Variants in UNC80 observed in about 807,000 individuals in gnomAD.
UNC80 encodes unc-80 subunit of NALCN channel complex, also known as protein unc-80 homolog.
Under a neutral mutation model 384.6 loss-of-function variants are expected in UNC80, and 164 were observed. The ratio of observed to expected loss-of-function variants is 0.43; its 90% CI spans 0.38 to 0.49. The LOEUF is 0.49. Ranked by LOEUF, UNC80 falls within the 20% of genes least tolerant of loss-of-function variation. UNC80 has a pLI of 0.00. For synonymous variants in UNC80, 1,486 were observed against 1,527.8 expected (o/e 0.97, Z 0.64); for missense variants, 3,330 against 4,143.0 (o/e 0.80, Z 5.39).
Position 209,817,042 on chromosome 2 carries a change from G to A in UNC80, c.1469G>A (p.Ser490Asn). Residue 490 changes from serine (S) to asparagine (N), a missense_variant, in exon 10 of 65, where the codon AGC (serine) becomes AAC (asparagine). Around this residue, in one of 8 missense-constraint regions of UNC80, gnomAD observed 937 missense variants for 1,026.8 expected, o/e 0.91. Transcript: ENST00000673920. ...EDHLDVSPTR[S>N]TFSFGSFSGL... ...CACCTGGATGTGTCCCCCACGCGCAGCACATTCTCCTTTGGAAGTTTCTCT... is the reference window on the plus strand; with the variant it reads ...CACCTGGATGTGTCCCCCACGCGCAACACATTCTCCTTTGGAAGTTTCTCT... The A allele has an allele frequency of 3.9e-6, 6 of 1,551,754 alleles. No individual in the cohort carries two copies. The highest frequency in any genetic ancestry group is 5.2e-6 in the Non-Finnish European group (6 of 1,147,008).
At chr2:209,985,000 T>C (rs998561306) in intron 61 of UNC80, 88 bp downstream of exon 61, 27 of 1,173,540 alleles carry the variant, frequency 2.3e-5, no homozygotes, top group Non-Finnish European at 3.0e-5. Flanking sequence ...CTTCTCTGTC[T>C]CTTCTCGCCC....
At chr2:209,838,433 G>A (rs1203957325) in intron 18 of UNC80, among the ~76,000 whole-genome samples, 1 of 152,046 alleles carries the variant, frequency 6.6e-6, no homozygotes, top group Non-Finnish European at 1.5e-5. Flanking sequence ...AAATCCCCTT[G>A]CAGGTATTTC....
chr2:209,995,185 TA>T, intron 64 of UNC80, 143 bp from the exon 65 acceptor site: 1 of 1,065,614 alleles, frequency 9.4e-7, no homozygotes, highest in Non-Finnish European at 1.3e-6. Context: ...AAGGCCTACG[TA>T]AGGTCCTACC....
chr2:209,925,327 T>G (rs1197897163), intron 35 of UNC80, among the ~76,000 whole-genome samples: 1 of 152,186 alleles, frequency 6.6e-6, no homozygotes, highest in Non-Finnish European at 1.5e-5. Flanking sequence ...ATTTATTCCT[T>G]CCAGCGGGTT....
At position 209,872,385 on chromosome 2, in the gene UNC80, G is replaced by T. The variant is rs531906507; in HGVS notation, c.3628-373G>T. ...TTGTTTGCTTCATGTAAAATTTAGGGTTCAAAAAAAGATTCATCTTTAAGA... is the reference window on the plus strand; with the variant it reads ...TTGTTTGCTTCATGTAAAATTTAGGTTTCAAAAAAAGATTCATCTTTAAGA... On this transcript the variant is annotated intron_variant, in intron 22 of 64. Transcript: ENST00000673920. The surrounding 1 kb of genome is among the most constrained non-coding windows in gnomAD (Gnocchi z 4.1). Among the ~76,000 whole-genome samples the T allele has an allele frequency of 1.8e-4, 27 of 152,134 alleles. No homozygotes were observed. Among genetic ancestry groups the T allele is most frequent in the Admixed American group, 1.3e-4 (2 of 15,270 alleles).
rs140495021 is a variant in UNC80 at position 209,864,257 on chromosome 2, C to G, written c.3628-8501C>G. Among the ~76,000 whole-genome samples, 58 of 152,164 alleles carry G rather than the reference C, an allele frequency of 3.8e-4. 1 individual carries two copies. In the East Asian group the frequency reaches 0.011, roughly 29 times the overall value. On this transcript the variant is annotated intron_variant, in intron 22 of 64. Coordinates refer to ENST00000673920, the MANE Select transcript of UNC80 (RefSeq NM_001371986.1). ...ACCTCTGACCTCGAGGGGCACCAAC[C>G]TGAATGCCAGTAGGATCACCCCTTT...
At chr2:209,836,034 A>C (rs538649374) in intron 18 of UNC80, among the ~76,000 whole-genome samples, 1 of 152,354 alleles carries the variant, frequency 6.6e-6, no homozygotes, top group African/African-American at 2.4e-5. Context: ...GCATATGGCT[A>C]TAGCCCCAGT....
At chr2:209,847,967 G>A (rs762967866) in intron 21 of UNC80, among the ~76,000 whole-genome samples, 72 of 151,644 alleles carry the variant, frequency 4.7e-4, no homozygotes, top group Non-Finnish European at 1.2e-4. Flanking sequence ...AAAGTTTAAG[G>A]GACTGTTTAT....
intron 12 of UNC80, 42 bp from the exon 13 acceptor site, chr2:209,820,269 G>T: frequency 4.0e-6 from 6 of 1,484,310 alleles, no homozygotes; most frequent in Admixed American, 4.9e-5. Flanking sequence ...AAGAGGGAGT[G>T]CAGGTAACTT....
rs1235114526 is a variant in UNC80, at chr2:209,969,846, C to T, written c.8085C>T (p.Ser2695=). The change falls in exon 53 of 65, where the codon TCC becomes TCT. Residue 2695 remains serine (S), a synonymous_variant. Coordinates refer to ENST00000673920, the MANE Select transcript of UNC80 (RefSeq NM_001371986.1). ...CACTTCAGAGGCAGCCAATCATATC[C>T]TTCCTGCCTCACCTTAGGTCACTGA... ...CLTLQRQPII[S]FLPHLRSLIN... 6.4e-7 allele frequency: 1 copy of T among 1,551,754 alleles called. No individual in the cohort carries two copies. Among genetic ancestry groups the T allele is most frequent in the East Asian group, 2.4e-5 (1 of 40,922 alleles).
chr2:209,859,729 C>T (rs368629992), intron 22 of UNC80, among the ~76,000 whole-genome samples: 1 of 152,118 alleles, frequency 6.6e-6, no homozygotes, highest in Non-Finnish European at 1.5e-5. Context: ...CCACTCTGAC[C>T]AGCATGAGAT....
chr2:209,999,075 A>C lies in UNC80; in HGVS notation c.*3480A>C, dbSNP rs959980015. 1.3e-4 allele frequency: 20 copies of C among 152,314 alleles called. No individual in the cohort carries two copies. The East Asian group carries it at 1.5e-3, about 12-fold the overall frequency. 9.4% of individuals were successfully genotyped at this position (152,314 alleles called of 1,614,324 possible). A position where few individuals can be genotyped will look rare whatever the true frequency, so the allele number is the denominator to read the frequency against. On this transcript the variant is annotated 3_prime_UTR_variant, in exon 65 of 65. Coordinates refer to ENST00000673920, the MANE Select transcript of UNC80 (RefSeq NM_001371986.1). ...TTGTCACTGTGACCACAGGATGAAA[A>C]TCCTTTATTAGCCATTTTATAGGTT...
intron 43 of UNC80, among the ~76,000 whole-genome samples, chr2:209,940,071 C>A (rs947569284): frequency 3.3e-5 from 5 of 152,142 alleles, no homozygotes; most frequent in African/African-American, 1.2e-4. Context: ...TCCCAAGCAC[C>A]ACATTTTGAG....
intron 51 of UNC80, among the ~76,000 whole-genome samples, chr2:209,964,013 C>T (rs1488829074): frequency 6.6e-6 from 1 of 152,162 alleles, no homozygotes; most frequent in Non-Finnish European, 1.5e-5. Flanking sequence ...AATTGTAGAA[C>T]AATCTAAATA....
At chr2:209,856,887 G>A (rs1425285215) in intron 22 of UNC80, among the ~76,000 whole-genome samples, 1 of 151,718 alleles carries the variant, frequency 6.6e-6, no homozygotes, top group Non-Finnish European at 1.5e-5. Context: ...TCCCAGGTTC[G>A]AGTAATTCTT....
At chr2:209,878,822 A>C (rs2085010219) in intron 24 of UNC80, among the ~76,000 whole-genome samples, 1 of 152,200 alleles carries the variant, frequency 6.6e-6, no homozygotes, top group African/African-American at 2.4e-5. Context: ...TATATGATGA[A>C]CATAGTGAGA....
intron 28 of UNC80, among the ~76,000 whole-genome samples, chr2:209,900,407 A>G (rs2124924097): frequency 6.6e-6 from 1 of 152,100 alleles, no homozygotes; most frequent in Non-Finnish European, 1.5e-5. Flanking sequence ...ATCCTTGATG[A>G]TATTATTGTC....
At chr2:209,797,503 T>C (rs1430348990) in intron 7 of UNC80, among the ~76,000 whole-genome samples, 1 of 152,264 alleles carries the variant, frequency 6.6e-6, no homozygotes, top group African/African-American at 2.4e-5. Context: ...GCACACGATC[T>C]CTTTCCTTTC....
chr2:209,965,063 A>G (rs934691479), intron 51 of UNC80, among the ~76,000 whole-genome samples: 11 of 152,078 alleles, frequency 7.2e-5, no homozygotes, highest in Admixed American at 2.0e-4. Context: ...GTCTGGGTAA[A>G]TGATGTGATG....
Sources: allele counts gnomAD v4.1 joint callset (sites outside exome capture counted in the v4.1 genomes callset), GRCh38; gene constraint gnomAD v4.1.1; regional missense constraint gnomAD v4.1.1; non-coding constraint Gnocchi (gnomAD v3.1); transcripts MANE v1.5; gene names NCBI Gene and HGNC (gene_info 2026-07-23, HGNC 2026-07-21).